NCOR2: variants seen among roughly 807,000 people sequenced by gnomAD.
NCOR2 encodes CTG repeat protein 26.
NCOR2 carries 81 observed loss-of-function variants against 262.9 expected under a neutral mutation model. The observed-to-expected ratio is 0.31, with a 90% confidence interval of 0.26 to 0.37. The LOEUF (loss-of-function observed/expected upper bound fraction) is 0.37, where lower values mean the gene tolerates loss of function less well. Among genes scored for constraint, NCOR2 ranks in the 10% least tolerant of loss-of-function variants. The pLI is 1.00. For missense variants in NCOR2, 3,385 were observed against 3,621.4 expected, an observed-to-expected ratio of 0.93 and a Z score of 1.68; for synonymous variants, 1,659 against 1,559.3, an observed-to-expected ratio of 1.06 and a Z score of -1.51.
At position 124,481,123 on chromosome 12, in the gene NCOR2, A is replaced by G. The variant is rs2136777654; in HGVS notation, c.411+2473T>C. ...GGGGGTGAAGGGGAGTGAGCAGGAC[A>G]GGGGGGCTGTTTGGGTGGAAAGAAA... is the stretch of plus-strand genomic sequence containing the variant. On this transcript the variant is annotated intron_variant, in intron 3 of 46. Transcript: ENST00000405201. The surrounding 1 kb of genome is among the most constrained non-coding windows in gnomAD (Gnocchi z 4.6). Among the ~76,000 whole-genome samples the G allele has an allele frequency of 6.9e-6, 1 of 144,388 alleles. No homozygotes were observed. Among genetic ancestry groups the G allele is most frequent in the Non-Finnish European group, 1.5e-5 (1 of 65,864 alleles). The allele number at this position is 144,388 out of a possible 152,430, so 94.7% of individuals were successfully genotyped here. A position where few individuals can be genotyped will look rare whatever the true frequency, so the allele number is the denominator to read the frequency against.
intron 18 of NCOR2, among the ~76,000 whole-genome samples, chr12:124,375,660 A>G (rs2039933524): frequency 6.6e-6 from 1 of 152,198 alleles, no homozygotes; most frequent in Non-Finnish European, 1.5e-5. Flanking sequence ...GGTCCCCAGT[A>G]CCGGGCTGCC....
intron 16 of NCOR2, chr12:124,388,696 C>G (rs2041005155): frequency 7.7e-7 from 1 of 1,304,474 alleles, no homozygotes; most frequent in Non-Finnish European, 1.0e-6. Context: ...TCCTCTCATT[C>G]GCGTCTCCCC....
At chr12:124,417,565 G>A (rs865952568) in intron 13 of NCOR2, among the ~76,000 whole-genome samples, 32 of 152,180 alleles carry the variant, frequency 2.1e-4, no homozygotes, top group African/African-American at 7.5e-4. Flanking sequence ...AGGCCAGCAA[G>A]AGAATGAGCA....
At chr12:124,332,687 C>T (rs547154372) in intron 42 of NCOR2, among the ~76,000 whole-genome samples, 1 of 152,254 alleles carries the variant, frequency 6.6e-6, no homozygotes, top group South Asian at 2.1e-4. Flanking sequence ...CGCCTGGCTG[C>T]GTGGTGGGCT....
At position 124,337,047 on chromosome 12, in the gene NCOR2, G is replaced by A. The variant is rs776517719; in HGVS notation, c.5821C>T (p.Arg1941Trp). 22 of 1,494,868 alleles carry A rather than the reference G, an allele frequency of 1.5e-5. No homozygotes were observed. Among genetic ancestry groups the A allele is most frequent in the East Asian group, 2.4e-5 (1 of 42,374 alleles). The allele number at this position is 1,494,868 out of a possible 1,614,324, so 92.6% of individuals were successfully genotyped here. ...CGGGGCCGCTCTGGCCGGGCGACCC[G>A]GGGGGCCTCCTTGGGCAGCAAGACG... is the stretch of plus-strand genomic sequence containing the variant. The change falls in exon 38 of 47, where the codon CGG becomes TGG. Residue 1941 changes from arginine to tryptophan, a missense_variant. Arg to Trp is a moderately radical substitution (Grantham distance 101). Coordinates refer to ENST00000405201, the Ensembl canonical transcript of NCOR2.
intron 17 of NCOR2, chr12:124,383,532 TC>T: frequency 1.9e-6 from 1 of 517,334 alleles, no homozygotes; most frequent in Non-Finnish European, 2.5e-6. Context: ...ACCTTCCAAC[TC>T]AAAAAAAAAA....
chr12:124,372,194 C>G (rs2136026394), exon 20 of NCOR2: 2 of 1,601,846 alleles, frequency 1.2e-6, no homozygotes, highest in Admixed American at 3.3e-5. Context: ...GCCTCCGCGT[C>G]CTTGCCCTTG....
chr12:124,434,745 G>A (rs1236846164), intron 8 of NCOR2, among the ~76,000 whole-genome samples: 3 of 152,164 alleles, frequency 2.0e-5, no homozygotes, highest in Non-Finnish European at 4.4e-5. Flanking sequence ...TTCCTTCCTC[G>A]CAGGAGACAG....
At chr12:124,340,785 A>T in intron 34 of NCOR2, 34 bp from the exon 37 acceptor site, 1 of 1,479,638 alleles carries the variant, frequency 6.8e-7, no homozygotes, top group Admixed American at 2.7e-5. Flanking sequence ...CTGTAGCCAC[A>T]GGGAGGAGAG....
intron 7 of NCOR2, among the ~76,000 whole-genome samples, chr12:124,448,730 T>C (rs2045341289): frequency 1.3e-5 from 2 of 152,092 alleles, no homozygotes; most frequent in African/African-American, 4.8e-5. Context: ...CGTCGACTAG[T>C]CCAGCACCAG....
At chr12:124,335,397 A>G in intron 39 of NCOR2, 86 bp downstream of exon 41, 1 of 1,521,998 alleles carries the variant, frequency 6.6e-7, no homozygotes, top group Non-Finnish European at 8.8e-7. Context: ...GCCTTTAGGC[A>G]CCTCTGTTTT....
At chr12:124,347,800 G>A (rs892969549) in intron 30 of NCOR2, 25 bp downstream of exon 32, 16 of 1,553,464 alleles carry the variant, frequency 1.0e-5, no homozygotes, top group Admixed American at 9.8e-5. Flanking sequence ...TGGGGGCAAC[G>A]AGGGAGCAGG....
At chr12:124,542,192 C>G (rs771422305) in intron 1 of NCOR2, among the ~76,000 whole-genome samples, 4 of 151,980 alleles carry the variant, frequency 2.6e-5, no homozygotes, top group African/African-American at 9.7e-5. Context: ...GACTCTGGAG[C>G]CTTTCCCACC....
intron 16 of NCOR2, among the ~76,000 whole-genome samples, chr12:124,397,661 G>T (rs1387833739): frequency 6.6e-6 from 1 of 152,200 alleles, no homozygotes; most frequent in African/African-American, 2.4e-5. Context: ...CTTGAGCCCA[G>T]GATAGGACCT....
chr12:124,467,361 A>C (rs1593676005), intron 4 of NCOR2, among the ~76,000 whole-genome samples: 1 of 7,922 alleles, frequency 1.3e-4, no homozygotes. Context: ...CATTCTCATC[A>C]CCCCCATCAC....
At chr12:124,354,550 A>G in exon 26 of NCOR2, 1 of 1,597,452 alleles carries the variant, frequency 6.3e-7, no homozygotes, top group East Asian at 2.2e-5. Context: ...CCCCGTGGGG[A>G]CAGCTGCTCC....
At chr12:124,352,958 T>C (rs2037623786) in intron 27 of NCOR2, among the ~76,000 whole-genome samples, 1 of 152,218 alleles carries the variant, frequency 6.6e-6, no homozygotes, top group Non-Finnish European at 1.5e-5. Context: ...TCCCTGCCTA[T>C]GGCACCTACT....
At chr12:124,507,743 G>A (rs1423384834) in intron 1 of NCOR2, among the ~76,000 whole-genome samples, 1 of 152,230 alleles carries the variant, frequency 6.6e-6, no homozygotes, top group African/African-American at 2.4e-5. Context: ...TTGAGGCCAG[G>A]GCCAGAGCCC....
upstream of NCOR2, chr12:124,539,304 C>T (rs2051217788): frequency 6.5e-6 from 1 of 152,684 alleles, no homozygotes; most frequent in Non-Finnish European, 1.5e-5. The surrounding 1 kb of genome is among the most constrained non-coding windows in gnomAD (Gnocchi z 5.1). Flanking sequence ...CACTCATTCA[C>T]ACTCGTGCAC....
Sources: gnomAD v4.1 joint callset for allele counts (sites outside exome capture counted in the v4.1 genomes callset) on GRCh38, gnomAD v4.1.1 for gene constraint, Gnocchi (gnomAD v3.1) non-coding constraint, MANE v1.5 for transcripts, NCBI Gene and HGNC (gene_info 2026-07-23, HGNC 2026-07-21) for gene names.